TTLL5: variants seen among roughly 807,000 people sequenced by gnomAD.
TTLL5 encodes the protein tubulin tyrosine ligase like 5.
Under a neutral mutation model 168.4 loss-of-function variants are expected in TTLL5, and 132 were observed. The ratio of observed to expected loss-of-function variants is 0.78; its 90% confidence interval spans 0.68 to 0.91. The LOEUF is 0.91. Ranked by LOEUF, TTLL5 falls within the 40% of genes least tolerant of loss-of-function variation. TTLL5 has a pLI of 0.00. For missense variants in TTLL5, 1,545 were observed against 1,581.5 expected (o/e 0.98, Z 0.39); for synonymous variants, 546 against 558.6 (o/e 0.98, Z 0.32).
chr14:75,954,496 T>C lies in TTLL5; in HGVS notation c.*50T>C. 1.2e-6 allele frequency: 2 copies of C among 1,606,638 alleles called. No individual in the cohort carries two copies. Among genetic ancestry groups the C allele is most frequent in the East Asian group, 2.2e-5 (1 of 44,810 alleles). On this transcript the variant is annotated 3_prime_UTR_variant, in exon 32 of 32. Coordinates refer to ENST00000298832, the MANE Select transcript of TTLL5 (RefSeq NM_015072.5). ...CTGTTCACCACTCCTGGGTGCATGATTGAGGGTGAAGCATCCACCAGCACT... is the reference window on the plus strand; with the variant it reads ...CTGTTCACCACTCCTGGGTGCATGACTGAGGGTGAAGCATCCACCAGCACT...
At chr14:75,676,337 A>G (rs1399650362) in intron 3 of TTLL5, among the ~76,000 whole-genome samples, 2 of 152,206 alleles carry the variant, frequency 1.3e-5, no homozygotes, top group African/African-American at 4.8e-5. Flanking sequence ...ATATTTTTAT[A>G]TGAATTTTTC....
chr14:75,822,755 G>A (rs1894902139), intron 28 of TTLL5, among the ~76,000 whole-genome samples: 1 of 152,162 alleles, frequency 6.6e-6, no homozygotes, highest in African/African-American at 2.4e-5. Flanking sequence ...CACCCCAAAT[G>A]TAGCCTCAGG....
At chr14:75,690,482 T>C (rs532079794) in intron 6 of TTLL5, among the ~76,000 whole-genome samples, 160 bp downstream of exon 6, 1 of 152,300 alleles carries the variant, frequency 6.6e-6, no homozygotes, top group African/African-American at 2.4e-5. Flanking sequence ...TTAAAAACTA[T>C]TTTTATTCTG....
chr14:75,829,225 T>C (rs1895421215), intron 28 of TTLL5, among the ~76,000 whole-genome samples: 1 of 152,226 alleles, frequency 6.6e-6, no homozygotes, highest in African/African-American at 2.4e-5. Flanking sequence ...GCCAACAGGC[T>C]GATATTCATC....
intron 18 of TTLL5, among the ~76,000 whole-genome samples, chr14:75,754,156 G>A (rs1890111641): frequency 2.6e-5 from 4 of 152,054 alleles, no homozygotes; most frequent in Admixed American, 2.6e-4. Flanking sequence ...CAGGATAGGG[G>A]TGTTTAATTA....
At chr14:75,915,411 CAGGGCCATGCA>C (rs1011407795) in intron 31 of TTLL5, among the ~76,000 whole-genome samples, 1 of 152,176 alleles carries the variant, frequency 6.6e-6, no homozygotes, top group Non-Finnish European at 1.5e-5. Context: ...TTTTGCTTCA[CAGGGCCATGCA>C]GCATTACCAC....
chr14:75,895,890 G>T (rs2032638812), intron 30 of TTLL5, among the ~76,000 whole-genome samples: 1 of 152,166 alleles, frequency 6.6e-6, no homozygotes, highest in African/African-American at 2.4e-5. Flanking sequence ...GTGGTAGGGG[G>T]TCATTAAATA....
intron 7 of TTLL5, among the ~76,000 whole-genome samples, chr14:75,703,920 A>G (rs1221325947): frequency 1.3e-5 from 2 of 152,182 alleles, no homozygotes; most frequent in Admixed American, 6.5e-5. Flanking sequence ...ACCACTCAGT[A>G]CTCTGAGTAG....
intron 30 of TTLL5, among the ~76,000 whole-genome samples, chr14:75,884,823 C>T (rs1379789467): frequency 4.0e-5 from 6 of 151,490 alleles, no homozygotes; most frequent in Admixed American, 1.3e-4. Context: ...CATGGCTTTT[C>T]ATCTGAACAG....
intron 5 of TTLL5, among the ~76,000 whole-genome samples, chr14:75,687,423 A>G (rs1290707224): frequency 1.3e-5 from 2 of 152,042 alleles, no homozygotes; most frequent in Admixed American, 6.6e-5. Context: ...ACAGGCATGC[A>G]CTACGGCTGG....
chr14:75,726,848 G>A (rs1016244842), intron 12 of TTLL5, among the ~76,000 whole-genome samples: 2 of 152,072 alleles, frequency 1.3e-5, no homozygotes, highest in South Asian at 2.1e-4. Context: ...GCAGGGGAGC[G>A]ATAGGATTAT....
intron 31 of TTLL5, among the ~76,000 whole-genome samples, chr14:75,939,524 AC>A (rs1182178812): frequency 6.6e-6 from 1 of 152,140 alleles, no homozygotes; most frequent in Admixed American, 6.5e-5. Context: ...GGCTGGAACC[AC>A]AGGTGTGCAA....
In TTLL5 at chr14:75,777,050, C is replaced by G. The variant is rs1891758629; in HGVS notation, c.2387+200C>G. On this transcript the variant is annotated intron_variant, in intron 23 of 31. Transcript: ENST00000298832. The stretch of plus-strand genomic sequence containing the variant: ...TTGCTTGAGCCCAGGAATTCGAGGC[C>G]AGCTTGGGCAACATAGTGAGACCCT... 3.9e-5 allele frequency among the ~76,000 whole-genome samples: 6 copies of G among 152,054 alleles called. 2 individuals are homozygous for G. In the South Asian group the frequency reaches 1.2e-3, roughly 32 times the overall value.
At chr14:75,948,870 C>T (rs149675046) in intron 31 of TTLL5, among the ~76,000 whole-genome samples, 1 of 152,194 alleles carries the variant, frequency 6.6e-6, no homozygotes, top group East Asian at 1.9e-4. Flanking sequence ...ATTTAACTTA[C>T]AAATATTTAC....
chr14:75,731,616 CT>C (rs1195272053), intron 12 of TTLL5, among the ~76,000 whole-genome samples: 1 of 152,164 alleles, frequency 6.6e-6, no homozygotes, highest in African/African-American at 2.4e-5. Flanking sequence ...AATCCATAAA[CT>C]TGATCTCTGG....
chr14:75,738,019 T>C (rs1889017454), intron 15 of TTLL5, among the ~76,000 whole-genome samples: 1 of 152,016 alleles, frequency 6.6e-6, no homozygotes, highest in African/African-American at 2.4e-5. Flanking sequence ...TCACATTGGG[T>C]GTAGGGTTGT....
chr14:75,903,438 A>AGT (rs1235082010), intron 31 of TTLL5, among the ~76,000 whole-genome samples: 1 of 151,848 alleles, frequency 6.6e-6, no homozygotes, highest in Non-Finnish European at 1.5e-5. Flanking sequence ...ATGAGCAGGG[A>AGT]GTGGAAGGGG....
chr14:75,913,316 A>G (rs1006537373), intron 31 of TTLL5, among the ~76,000 whole-genome samples: 3 of 151,862 alleles, frequency 2.0e-5, no homozygotes, highest in African/African-American at 7.3e-5. Context: ...TTTGTCCTCA[A>G]CCACTTTTCT....
intron 29 of TTLL5, among the ~76,000 whole-genome samples, chr14:75,870,953 C>A (rs1203978474): frequency 6.6e-6 from 1 of 152,060 alleles, no homozygotes; most frequent in Non-Finnish European, 1.5e-5. Flanking sequence ...CGCCACCACG[C>A]CCAGCTAATT....
Sources: gnomAD v4.1 joint callset for allele counts (sites outside exome capture counted in the v4.1 genomes callset) on GRCh38, gnomAD v4.1.1 for gene constraint, MANE v1.5 for transcripts, NCBI Gene and HGNC (gene_info 2026-07-23, HGNC 2026-07-21) for gene names.